PPARGC1A: variants seen among roughly 807,000 people sequenced by gnomAD.
The protein encoded by PPARGC1A is peroxisome proliferator-activated receptor gamma coactivator 1-alpha.
PPARGC1A carries 25 observed loss-of-function variants against 88.7 expected under a neutral mutation model. The observed-to-expected ratio is 0.28, with a 90% CI of 0.21 to 0.39. PPARGC1A has a LOEUF of 0.39. Among genes scored for constraint, PPARGC1A ranks in the 10% least tolerant of loss-of-function variants. The pLI is 1.00. For synonymous variants in PPARGC1A, 363 were observed against 355.6 expected, an observed-to-expected ratio of 1.02 and a Z score of -0.24; for missense variants, 880 against 968.7, an observed-to-expected ratio of 0.91 and a Z score of 1.22.
the PPARGC1A span, among the ~76,000 whole-genome samples, chr4:24,190,791 C>A: frequency 6.6e-6 from 1 of 152,194 alleles, no homozygotes; most frequent in Non-Finnish European, 1.5e-5. Context: ...GAGGCAAACT[C>A]CAGCCAGTGT....
chr4:24,392,244 T>A, the PPARGC1A span, among the ~76,000 whole-genome samples: 1 of 152,120 alleles, frequency 6.6e-6, no homozygotes, highest in Non-Finnish European at 1.5e-5. Context: ...AGGTGGAGGC[T>A]TTTTTTAAAA....
the PPARGC1A span, among the ~76,000 whole-genome samples, chr4:24,234,385 T>C: frequency 4.5e-4 from 69 of 152,230 alleles, no homozygotes; most frequent in African/African-American, 1.6e-3. Context: ...TTTCCAGTTA[T>C]AGTTTCACTA....
At chr4:23,876,014 G>A (rs923407839) in intron 2 of PPARGC1A, 2 of 152,066 alleles carry the variant, frequency 1.3e-5, no homozygotes, top group Admixed American at 6.5e-5. Context: ...CAAGTTCCAC[G>A]TGTTAAATCA....
chr4:24,105,276 A>G, the PPARGC1A span, among the ~76,000 whole-genome samples: 1 of 152,216 alleles, frequency 6.6e-6, no homozygotes, highest in African/African-American at 2.4e-5. Context: ...CCAGTTTCCA[A>G]TGACCCAAGC....
At chr4:24,302,434 T>TC in the PPARGC1A span, among the ~76,000 whole-genome samples, 2 of 152,186 alleles carry the variant, frequency 1.3e-5, no homozygotes, top group Non-Finnish European at 2.9e-5. Flanking sequence ...ACCACTCTCT[T>TC]CCTCGCCCCT....
chr4:24,431,145 GAAAA>G, the PPARGC1A span, among the ~76,000 whole-genome samples: 1 of 131,974 alleles, frequency 7.6e-6, no homozygotes, highest in African/African-American at 2.8e-5. Context: ...AAAAAAAAGA[GAAAA>G]AAAAAAGAAA....
At chr4:23,854,477 C>T (rs149205706) in intron 2 of PPARGC1A, among the ~76,000 whole-genome samples, 12 of 152,218 alleles carry the variant, frequency 7.9e-5, no homozygotes, top group Admixed American at 3.3e-4. Context: ...ATCCAATTAC[C>T]GGAAATTCCT....
chr4:23,994,756 T>C, the PPARGC1A span, among the ~76,000 whole-genome samples: 1 of 151,930 alleles, frequency 6.6e-6, no homozygotes, highest in Admixed American at 6.6e-5. Flanking sequence ...AGGGAGGAAA[T>C]TGGTCAGGCT....
chr4:23,981,027 C>T, the PPARGC1A span, among the ~76,000 whole-genome samples: 1 of 151,986 alleles, frequency 6.6e-6, no homozygotes, highest in Admixed American at 6.6e-5. Flanking sequence ...TAATTTCTCC[C>T]TTGTCTCTGA....
At chr4:24,091,930 C>CACAA in the PPARGC1A span, among the ~76,000 whole-genome samples, 3 of 148,506 alleles carry the variant, frequency 2.0e-5, no homozygotes, top group African/African-American at 2.5e-5. Flanking sequence ...TGCCCCAATA[C>CACAA]ACACACACAC....
the PPARGC1A span, among the ~76,000 whole-genome samples, chr4:24,014,201 C>T: frequency 2.6e-5 from 4 of 152,174 alleles, 1 homozygote; most frequent in Admixed American, 6.5e-5. Context: ...GCTGAGTTCA[C>T]GTACAGTTGC....
At chr4:24,138,859 ACTGT>A in the PPARGC1A span, among the ~76,000 whole-genome samples, 3 of 152,108 alleles carry the variant, frequency 2.0e-5, no homozygotes, top group African/African-American at 7.2e-5. Context: ...ACACACAGAG[ACTGT>A]CTATTAAACT....
the PPARGC1A span, among the ~76,000 whole-genome samples, chr4:23,947,352 GATATATATATATATATATATATATAT>G: frequency 4.0e-5 from 3 of 75,888 alleles, no homozygotes; most frequent in African/African-American, 1.8e-4. Context: ...GTTATATAGT[GATATATATATATATATATATATATAT>G]ATATATATAT....
chr4:24,134,658 T>C, the PPARGC1A span, among the ~76,000 whole-genome samples: 12 of 152,362 alleles, frequency 7.9e-5, no homozygotes, highest in Admixed American at 5.2e-4. Flanking sequence ...AGGGAGGGCT[T>C]CTGAATTTAT....
At chr4:23,926,536 G>A in the PPARGC1A span, among the ~76,000 whole-genome samples, 208 of 152,198 alleles carry the variant, frequency 1.4e-3, no homozygotes, top group African/African-American at 2.1e-3. Context: ...TAGAGAAAGC[G>A]CTTGAACATG....
At position 23,833,320 on chromosome 4, in the gene PPARGC1A, C is replaced by T. The variant is rs1010547258; in HGVS notation, c.235-1569G>A. Among the ~76,000 whole-genome samples, 9 of 152,212 alleles carry T rather than the reference C, an allele frequency of 5.9e-5. No homozygotes were observed. The East Asian group carries it at 1.7e-3, about 29-fold the overall frequency. The stretch of plus-strand genomic sequence containing the variant: ...ACTTGCTAAATAATTCATTGATCTG[C>T]ATTTATTGCCAACAATATCTTCTGG... On this transcript the variant is annotated intron_variant, in intron 2 of 12. Coordinates refer to ENST00000264867, the MANE Select transcript of PPARGC1A (RefSeq NM_013261.5).
At chr4:24,195,246 T>C in the PPARGC1A span, among the ~76,000 whole-genome samples, 1 of 152,280 alleles carries the variant, frequency 6.6e-6, no homozygotes, top group Non-Finnish European at 1.5e-5. Context: ...CCTGTAAAAT[T>C]GAAAGAATAA....
At chr4:23,952,128 A>C in the PPARGC1A span, among the ~76,000 whole-genome samples, 1 of 152,144 alleles carries the variant, frequency 6.6e-6, no homozygotes, top group Non-Finnish European at 1.5e-5. Flanking sequence ...TATTCTTCTC[A>C]GAATCTACCA....
At chr4:24,242,530 C>G in the PPARGC1A span, among the ~76,000 whole-genome samples, 1 of 152,186 alleles carries the variant, frequency 6.6e-6, no homozygotes, top group South Asian at 2.1e-4. Context: ...CTGCTGTGAC[C>G]TCAGCGGCAG....
Sources: allele counts gnomAD v4.1 joint callset (sites outside exome capture counted in the v4.1 genomes callset), GRCh38; gene constraint gnomAD v4.1.1; transcripts MANE v1.5; gene names NCBI Gene and HGNC (gene_info 2026-07-23, HGNC 2026-07-21).